The following CHD9 variants were observed in gnomAD, a reference collection of about 807,000 sequenced individuals.
CHD9 encodes ATP-dependent chromatin remodeler CHD9.
A neutral mutation model predicts 316.1 loss-of-function variants in CHD9; 77 were observed. That is an observed-to-expected ratio of 0.24 (90% CI 0.20 to 0.29). The LOEUF (loss-of-function observed/expected upper bound fraction) is 0.29. Ranked by LOEUF, CHD9 falls within the 10% of genes least tolerant of loss-of-function variation. The probability of loss-of-function intolerance (pLI) is 1.00; values close to 1 mark genes in which losing one functional copy is unlikely to be tolerated. For missense variants in CHD9, 2,763 were observed against 3,438.1 expected (o/e 0.80, Z 4.91); for synonymous variants, 1,129 against 1,158.3 (o/e 0.97, Z 0.51).
chr16:53,314,214 G>A (rs149858304), intron 34 of CHD9, among the ~76,000 whole-genome samples, 163 bp from the exon 35 acceptor site: 19 of 152,148 alleles, frequency 1.2e-4, no homozygotes, highest in African/African-American at 4.3e-4. Context: ...AATTCTTCAG[G>A]TTTTTAAATG....
intron 37 of CHD9, among the ~76,000 whole-genome samples, chr16:53,320,198 TAAAAAAAA>T (rs558919362): frequency 2.4e-5 from 3 of 126,934 alleles, no homozygotes; most frequent in African/African-American, 8.8e-5. Context: ...TGAGTCTCTT[TAAAAAAAA>T]AAAAAAAAAA....
Position 53,315,033 on chromosome 16 carries a change from G to A in CHD9, c.7573G>A (p.Ala2525Thr). ...EHPGYVEDLG[A>T]FIPRMQLHEG... ...CCCGGGTTATGTGGAAGATTTGGGAGCTTTTATTCCTGTAGGTGACACCTT... is the reference window on the plus strand; with the variant it reads ...CCCGGGTTATGTGGAAGATTTGGGAACTTTTATTCCTGTAGGTGACACCTT... The change falls in exon 36 of 39, where the codon GCT becomes ACT. Residue 2525 changes from alanine (A) to threonine (T), a missense_variant. Transcript: ENST00000447540. 1 of 1,612,582 alleles carries A rather than the reference G, an allele frequency of 6.2e-7. No individual in the cohort carries two copies. Among genetic ancestry groups the A allele is most frequent in the East Asian group, 2.2e-5 (1 of 44,826 alleles).
At chr16:53,220,075 AGAG>A (rs1160124841) in intron 3 of CHD9, among the ~76,000 whole-genome samples, 6 of 152,354 alleles carry the variant, frequency 3.9e-5, no homozygotes, top group Admixed American at 3.3e-4. Flanking sequence ...GAAAGAAACT[AGAG>A]GAGGAAAAGG....
intron 2 of CHD9, among the ~76,000 whole-genome samples, chr16:53,165,976 T>A (rs1405981015): frequency 6.6e-6 from 1 of 152,138 alleles, no homozygotes; most frequent in Non-Finnish European, 1.5e-5. Context: ...CTTTATGCAT[T>A]TGGCATGGTA....
chr16:53,132,084 A>T (rs2039368071), intron 1 of CHD9, among the ~76,000 whole-genome samples: 1 of 142,522 alleles, frequency 7.0e-6, no homozygotes, highest in Admixed American at 6.8e-5. Context: ...TCTTATTTTT[A>T]TTTTTAAAAA....
intron 2 of CHD9, among the ~76,000 whole-genome samples, chr16:53,200,286 G>T (rs2045334210): frequency 1.3e-5 from 2 of 149,954 alleles, no homozygotes; most frequent in South Asian, 4.3e-4. Context: ...CAGGAGAATT[G>T]CTTGAACCCA....
chr16:53,286,298 A>G lies in CHD9; in HGVS notation c.5144A>G (p.Glu1715Gly). 6.2e-7 allele frequency: 1 copy of G among 1,613,192 alleles called. No homozygotes were observed. The highest frequency in any genetic ancestry group is 8.5e-7 in the Non-Finnish European group (1 of 1,179,162). The stretch of plus-strand genomic sequence containing the variant: ...TTGGAAAGAGTGGGAAAACCTGATG[A>G]GAAAGCAGTTGCTGCTGAACAGAGA... ...CFLERVGKPD[E>G]KAVAAEQRAN... The change falls in exon 26 of 39, where the codon GAG (glutamate) becomes GGG (glycine). Residue 1715 changes from glutamate (E) to glycine (G), a missense_variant. By Grantham distance (98) the Glu-to-Gly change is moderately conservative. This residue lies in a region of CHD9 where 183 missense variants were observed against 258.5 expected (regional missense o/e 0.71). Transcript: ENST00000447540.
chr16:53,189,897 G>A (rs1265698618), intron 2 of CHD9, among the ~76,000 whole-genome samples: 1 of 152,118 alleles, frequency 6.6e-6, no homozygotes, highest in African/African-American at 2.4e-5. Context: ...TATGTGACCT[G>A]TAATCATTTA....
chr16:53,185,117 C>G (rs1244137042), intron 2 of CHD9, among the ~76,000 whole-genome samples: 1 of 151,958 alleles, frequency 6.6e-6, no homozygotes, highest in Non-Finnish European at 1.5e-5. Flanking sequence ...GTAAAGATAC[C>G]CAAAAATATG....
At chr16:53,210,397 C>CT (rs2046236947) in intron 3 of CHD9, among the ~76,000 whole-genome samples, 1 of 151,534 alleles carries the variant, frequency 6.6e-6, no homozygotes, top group Non-Finnish European at 1.5e-5. Flanking sequence ...AATAAAGAGG[C>CT]CAGGTGAGGA....
rs755604183 is a variant in CHD9, at chr16:53,307,915, C to A, written c.7015C>A (p.His2339Asn). Residue 2339 changes from histidine (H) to asparagine (N), a missense_variant, in exon 33 of 39, where the codon CAT becomes AAT. Physicochemically the swap from His to Asn is moderately conservative, Grantham distance 68. Transcript: ENST00000447540. ...QSTQMSKVKKHVREKEFTVKI... is the reference protein window; with the variant it reads ...QSTQMSKVKKNVREKEFTVKI... ...AACACAGATGTCAAAGGTGAAGAAG[C>A]ATGTACGAGAAAAGGAGTTTACAGT... 6.2e-7 allele frequency: 1 copy of A among 1,612,480 alleles called. No homozygotes were observed. Among genetic ancestry groups the A allele is most frequent in the South Asian group, 1.1e-5 (1 of 90,578 alleles).
chr16:53,243,161 G>A, intron 13 of CHD9, 145 bp downstream of exon 13: 1 of 546,276 alleles, frequency 1.8e-6, no homozygotes, highest in Non-Finnish European at 3.0e-6. Flanking sequence ...GATTTTTTGG[G>A]GGGCCTTAAT....
At chr16:53,115,982 G>A (rs1487298606) in intron 1 of CHD9, among the ~76,000 whole-genome samples, 1 of 152,204 alleles carries the variant, frequency 6.6e-6, no homozygotes, top group African/African-American at 2.4e-5. Flanking sequence ...TGTGTTTGAG[G>A]AACAGACTCC....
intron 2 of CHD9, chr16:53,208,238 A>G: frequency 8.3e-7 from 1 of 1,203,982 alleles, no homozygotes; most frequent in Middle Eastern, 2.3e-4. Flanking sequence ...CCATTTAGGA[A>G]TCTTCTTTCA....
intron 2 of CHD9, among the ~76,000 whole-genome samples, chr16:53,202,990 T>A (rs1394372083): frequency 6.7e-6 from 1 of 149,848 alleles, no homozygotes; most frequent in Non-Finnish European, 1.5e-5. Context: ...TTGGATCAGT[T>A]TTTTTCTCTT....
At chr16:53,195,598 C>G (rs2044837912) in intron 2 of CHD9, among the ~76,000 whole-genome samples, 1 of 152,030 alleles carries the variant, frequency 6.6e-6, no homozygotes, top group East Asian at 1.9e-4. Context: ...CTGTAGAACT[C>G]CAGCAGCTTG....
intron 1 of CHD9, among the ~76,000 whole-genome samples, chr16:53,074,004 T>C (rs2034312373): frequency 6.6e-6 from 1 of 152,202 alleles, no homozygotes; most frequent in Admixed American, 6.5e-5. Context: ...TGTGGGAAAG[T>C]TTGGAACTTC....
intron 1 of CHD9, among the ~76,000 whole-genome samples, chr16:53,058,523 A>G (rs2032443840): frequency 1.3e-5 from 2 of 152,228 alleles, no homozygotes; most frequent in South Asian, 2.1e-4. Context: ...AAAGGTCAGC[A>G]TGTACAGAGA....
chr16:53,143,553 A>G (rs1484954651), intron 1 of CHD9, among the ~76,000 whole-genome samples: 2 of 151,686 alleles, frequency 1.3e-5, no homozygotes, highest in African/African-American at 4.8e-5. Context: ...ATGCCTGGCT[A>G]ATTTTTTGTA....
Sources: allele counts gnomAD v4.1 joint callset (sites outside exome capture counted in the v4.1 genomes callset), GRCh38; gene constraint gnomAD v4.1.1; regional missense constraint gnomAD v4.1.1; transcripts MANE v1.5; gene names NCBI Gene and HGNC (gene_info 2026-07-23, HGNC 2026-07-21).